Variants in SPTA1 observed in about 807,000 individuals in gnomAD.
SPTA1 encodes the protein spectrin alpha chain, erythrocytic 1.
In SPTA1, 177 loss-of-function variants were observed where a neutral mutation model predicts 324.7. The ratio of observed to expected loss-of-function variants is 0.55; its 90% CI spans 0.48 to 0.62. The LOEUF is 0.62. Ranked by LOEUF, SPTA1 falls within the 20% of genes least tolerant of loss-of-function variation. The pLI is 0.00. For missense variants in SPTA1, 3,162 were observed against 2,883.6 expected (o/e 1.10, Z -2.21); for synonymous variants, 1,195 against 1,041.3 (o/e 1.15, Z -2.84).
chr1:158,675,515 A>G (rs703118), intron 8 of SPTA1, among the ~76,000 whole-genome samples: 45,349 of 151,978 alleles, frequency 0.3, 8,176 homozygotes, highest in East Asian at 0.4. Flanking sequence ...ATACATTTCA[A>G]TATGCCCAGC....
At position 158,653,413 on chromosome 1, in the gene SPTA1, C is replaced by A. The variant is rs763182296; in HGVS notation, c.3049G>T (p.Val1017Leu). The change falls in exon 22 of 52, where the codon GTG becomes TTG. Residue 1017 changes from valine (V) to leucine (L), a missense_variant. Physicochemically the swap from Val to Leu is conservative, Grantham distance 32. Transcript: ENST00000643759. Reference sequence around the variant, plus strand: ...ATGCCCTGATGATCAGCAGCTTCCACCTTCCACCAGTCCTGAAGGGAGAGC... The same window carrying A: ...ATGCCCTGATGATCAGCAGCTTCCAACTTCCACCAGTCCTGAAGGGAGAGC... ...LSSINKDWWK[V>L]EAADHQGIVP... 2.5e-6 allele frequency: 4 copies of A among 1,613,926 alleles called. No homozygotes were observed. The highest frequency in any genetic ancestry group is 3.4e-6 in the Non-Finnish European group (4 of 1,180,002).
Position 158,658,124 on chromosome 1 carries a change from G to A in SPTA1, c.2588-430C>T, listed in dbSNP as rs186358102. 2.3e-3 allele frequency among the ~76,000 whole-genome samples: 354 copies of A among 152,252 alleles called. 4 individuals are homozygous for A. Among genetic ancestry groups the A allele is most frequent in the African/African-American group, 8.4e-3 (348 of 41,552 alleles). On this transcript the variant is annotated intron_variant, in intron 18 of 51. Coordinates refer to ENST00000643759, the MANE Select transcript of SPTA1 (RefSeq NM_003126.4). ...TAAGATAAAATGATTTTCAGACAAT[G>A]GAGAGAGGACTCTGATTCCTGAGAG...
chr1:158,628,257 A>G (rs1650413999), intron 39 of SPTA1, among the ~76,000 whole-genome samples: 1 of 152,170 alleles, frequency 6.6e-6, no homozygotes, highest in Non-Finnish European at 1.5e-5. Context: ...GAAGAGTGGT[A>G]CTTTGTCTTC....
At chr1:158,683,564 T>A (rs978032918) in intron 2 of SPTA1, 68 bp from the exon 3 acceptor site, 4 of 1,600,932 alleles carry the variant, frequency 2.5e-6, no homozygotes, top group Non-Finnish European at 2.6e-6. Flanking sequence ...TCACTCTATG[T>A]AAAGCCACCA....
chr1:158,677,945 C>T, intron 6 of SPTA1, 111 bp from the exon 7 acceptor site: 1 of 1,345,236 alleles, frequency 7.4e-7, no homozygotes, highest in Non-Finnish European at 1.1e-6. Flanking sequence ...GAGCAATTAT[C>T]CTTTCTTCCT....
At chr1:158,684,610 A>T (rs1400969635) in intron 2 of SPTA1, among the ~76,000 whole-genome samples, 2 of 152,124 alleles carry the variant, frequency 1.3e-5, no homozygotes, top group African/African-American at 2.4e-5. Context: ...CAGACAGTCT[A>T]ATTTTTCCAT....
At position 158,618,542 on chromosome 1, in the gene SPTA1, T is replaced by C. The variant is rs189054732; in HGVS notation, c.6531-486A>G. Among the ~76,000 whole-genome samples, 284 of 152,348 alleles carry C rather than the reference T, an allele frequency of 1.9e-3. 1 individual carries two copies. Among genetic ancestry groups the C allele is most frequent in the Non-Finnish European group, 2.0e-3 (139 of 68,022 alleles). ...ACTGGATACAACTTTGACCATGTATTCTAATATATTACATCTTCTAAGTCT... is the reference window on the plus strand; with the variant it reads ...ACTGGATACAACTTTGACCATGTATCCTAATATATTACATCTTCTAAGTCT... On this transcript the variant is annotated intron_variant, in intron 45 of 51. Coordinates refer to ENST00000643759, the MANE Select transcript of SPTA1 (RefSeq NM_003126.4).
chr1:158,668,954 CTATAAAATTT>C (rs1186175085), intron 14 of SPTA1, among the ~76,000 whole-genome samples: 3 of 152,114 alleles, frequency 2.0e-5, no homozygotes, highest in African/African-American at 7.2e-5. Context: ...TCTCTTCCAG[CTATAAAATTT>C]TATAAGTTTA....
At chr1:158,668,397 C>G (rs1353077565) in intron 14 of SPTA1, among the ~76,000 whole-genome samples, 1 of 152,096 alleles carries the variant, frequency 6.6e-6, no homozygotes, top group African/African-American at 2.4e-5. Context: ...CATACATGAA[C>G]CTTCCATCCA....
At chr1:158,655,815 C>T (rs931129229) in intron 20 of SPTA1, among the ~76,000 whole-genome samples, 1 of 152,166 alleles carries the variant, frequency 6.6e-6, no homozygotes, top group African/African-American at 2.4e-5. Context: ...CTGAGCCATT[C>T]TCATATTCTC....
chr1:158,648,744 C>T (rs1571446541), intron 25 of SPTA1, 91 bp from the exon 26 acceptor site: 8 of 1,387,242 alleles, frequency 5.8e-6, no homozygotes, highest in East Asian at 2.5e-5. Flanking sequence ...ATCACTACCA[C>T]TCACCATCCT....
chr1:158,612,941 T>G lies in SPTA1; in HGVS notation c.7010A>C (p.Glu2337Ala). ...GTCAATCAGGAAAGCAGTATAGTCC[T>G]CCAGTGAGACATAGCCCTTCCTGTG... ...DPGRKGYVSL[E>A]DYTAFLIDKE... The change falls in exon 51 of 52, where the codon GAG becomes GCG. Residue 2337 changes from glutamate to alanine, a missense_variant. Transcript: ENST00000643759. 6.2e-7 allele frequency: 1 copy of G among 1,613,890 alleles called. No individual in the cohort carries two copies. The highest frequency in any genetic ancestry group is 8.5e-7 in the Non-Finnish European group (1 of 1,179,882).
At position 158,634,495 on chromosome 1, in the gene SPTA1, T is replaced by C. The variant is rs751490060; in HGVS notation, c.5565+48A>G. 3.7e-6 allele frequency: 6 copies of C among 1,611,180 alleles called. No individual in the cohort carries two copies. In the South Asian group the frequency reaches 6.6e-5, roughly 18 times the overall value. ...TAAAAACACTGACTACCCAAGAAAA[T>C]AACCAAATTGAAGAGAAGAAAATTG... On this transcript the variant is annotated intron_variant, in intron 39 of 51. Transcript: ENST00000643759.
intron 39 of SPTA1, among the ~76,000 whole-genome samples, chr1:158,631,154 A>T (rs1269491382): frequency 3.3e-5 from 5 of 152,218 alleles, no homozygotes; most frequent in Non-Finnish European, 7.4e-5. Flanking sequence ...AAAAAGACAC[A>T]TGCATACTTG....
At position 158,677,806 on chromosome 1, in the gene SPTA1, T is replaced by C. The variant is rs1395143253; in HGVS notation, c.841A>G (p.Lys281Glu). Residue 281 changes from lysine (K) to glutamate (E), a missense_variant, in exon 7 of 52, where the codon AAG becomes GAG. By Grantham distance (56) the Lys-to-Glu change is moderately conservative (BLOSUM62 1). Coordinates refer to ENST00000643759, the MANE Select transcript of SPTA1 (RefSeq NM_003126.4). Reference sequence around the variant, plus strand: ...GAGGTGAGTACAGGTTCCTTCTCCTTGATCCACTGGATGGCTTCAGTCACA... The same window carrying C: ...GAGGTGAGTACAGGTTCCTTCTCCTCGATCCACTGGATGGCTTCAGTCACA... ...RDVTEAIQWI[K>E]EKEPVLTSED... The C allele has an allele frequency of 6.2e-7, 1 of 1,613,666 alleles. No individual in the cohort carries two copies. Among genetic ancestry groups the C allele is most frequent in the South Asian group, 1.1e-5 (1 of 91,072 alleles).
chr1:158,633,558 G>A (rs1557936900), intron 39 of SPTA1, among the ~76,000 whole-genome samples: 1 of 151,504 alleles, frequency 6.6e-6, no homozygotes. Flanking sequence ...CTACTCGGGA[G>A]GCTGAGGCAG....
In SPTA1 at chr1:158,677,681, G is replaced by A; in HGVS notation, c.957+9C>T. The stretch of plus-strand genomic sequence containing the variant: ...CAACGGGTTAGCCATTTCTCTAACA[G>A]CGCATTACCTTGTCACTCATGACAG... On this transcript the variant is annotated intron_variant, in intron 7 of 51. Transcript: ENST00000643759. 1.2e-6 allele frequency: 2 copies of A among 1,613,092 alleles called. No individual in the cohort carries two copies. The highest frequency in any genetic ancestry group is 1.7e-6 in the Non-Finnish European group (2 of 1,179,496).
At chr1:158,670,802 A>C (rs1305605095) in intron 12 of SPTA1, among the ~76,000 whole-genome samples, 1 of 152,242 alleles carries the variant, frequency 6.6e-6, no homozygotes, top group African/African-American at 2.4e-5. Flanking sequence ...GCTGTAAAGG[A>C]AAAGAGTAGA....
chr1:158,668,075 G>GAA lies in SPTA1; in HGVS notation c.1834-15_1834-14dup, dbSNP rs3039789. On this transcript the variant is annotated splice_polypyrimidine_tract_variant and intron_variant, in intron 14 of 51. Transcript: ENST00000643759. ...AGTTCTGTATGTCCTGAGATAAGAT[G>GAA]AAAAAAAAAAAAAAAACCATTACCT... 5.0e-4 allele frequency: 743 copies of GAA among 1,474,196 alleles called. No individual in the cohort carries two copies. The highest frequency in any genetic ancestry group is 2.1e-3 in the South Asian group (174 of 82,010). 91.3% of individuals were successfully genotyped at this position (1,474,196 alleles called of 1,614,324 possible).
Sources: allele counts gnomAD v4.1 joint callset (sites outside exome capture counted in the v4.1 genomes callset), GRCh38; gene constraint gnomAD v4.1.1; transcripts MANE v1.5; gene names NCBI Gene and HGNC (gene_info 2026-07-23, HGNC 2026-07-21).